Variants in C22orf42 observed in about 807,000 individuals in gnomAD.
C22orf42 encodes uncharacterized protein C22orf42.
C22orf42 carries 24 observed loss-of-function variants against 31.4 expected under a neutral mutation model. That is an observed-to-expected ratio of 0.77 (90% CI 0.55 to 1.08). C22orf42 has a LOEUF of 1.08. Among genes scored for constraint, C22orf42 ranks in the 50% least tolerant of loss-of-function variants. The pLI, the probability that C22orf42 is intolerant of heterozygous loss-of-function variation, is 0.00. For synonymous variants in C22orf42, 96 were observed against 112.7 expected (o/e 0.85, Z 0.94); for missense variants, 276 against 327.3 (o/e 0.84, Z 1.21).
chr22:32,159,187 C>A lies in C22orf42; in HGVS notation c.29G>T (p.Gly10Val), dbSNP rs1453994368. 6.2e-7 allele frequency: 1 copy of A among 1,613,760 alleles called. No homozygotes were observed. Among genetic ancestry groups the A allele is most frequent in the Admixed American group, 1.7e-5 (1 of 59,996 alleles). The stretch of plus-strand genomic sequence containing the variant: ...GTCACAGTTGAGGCCCCCGCTGGGG[C>A]CCAGGCAGCAAGTCAGTTTGCTCCC... MGSKLTCCL[G>V]PSGGLNCDCC... The change falls in exon 1 of 9, where the codon GGC (glycine) becomes GTC (valine). Residue 10 changes from glycine (G) to valine (V), a missense_variant. Coordinates refer to ENST00000382097, the MANE Select transcript of C22orf42 (RefSeq NM_001010859.3).
rs1213616048 is a variant in C22orf42, at chr22:32,149,270, G to GAT, written c.*268_*269dup. 4.4e-6 allele frequency: 1 copy of GAT among 229,298 alleles called. No homozygotes were observed. 14.2% of individuals were successfully genotyped at this position (229,298 alleles called of 1,614,324 possible). A position where few individuals can be genotyped will look rare whatever the true frequency, so the allele number is the denominator to read the frequency against. ...TGGACCCAGCTCTTCAGATGCAGCA[G>GAT]ATGGATTGACCCACTCTGTAATGAC... On this transcript the variant is annotated 3_prime_UTR_variant, in exon 9 of 9. Transcript: ENST00000382097.
rs557701595 is a variant in C22orf42 at position 32,159,299 on chromosome 22, C to A, written c.-84G>T. 24 of 1,544,532 alleles carry A rather than the reference C, an allele frequency of 1.6e-5. 1 individual carries two copies. The South Asian group carries it at 2.3e-4, about 15-fold the overall frequency. On this transcript the variant is annotated 5_prime_UTR_variant, in exon 1 of 9. Transcript: ENST00000382097. ...TCCTCCTCCTTCTACGGCCAGCTAC[C>A]GACTGAAGGCTGCTGGCCCTGGCCG... is the stretch of plus-strand genomic sequence containing the variant.
intron 1 of C22orf42, among the ~76,000 whole-genome samples, chr22:32,157,109 G>A (rs1256577385): frequency 6.6e-6 from 1 of 151,924 alleles, no homozygotes; most frequent in Non-Finnish European, 1.5e-5. Flanking sequence ...CTTTTTCTGT[G>A]ACTTCTCTAT....
At chr22:32,150,510 G>A in intron 6 of C22orf42, 31 bp from the exon 7 acceptor site, 19 of 1,612,184 alleles carry the variant, frequency 1.2e-5, no homozygotes, top group Non-Finnish European at 1.6e-5. Context: ...TCAGTGCATT[G>A]GTGCTGCTGA....
At chr22:32,152,703 C>A in intron 2 of C22orf42, 77 bp from the exon 3 acceptor site, 1 of 1,433,560 alleles carries the variant, frequency 7.0e-7, no homozygotes, top group Non-Finnish European at 9.8e-7. Flanking sequence ...GGATGTGGAC[C>A]GGGGCTGGAG....
upstream of C22orf42, chr22:32,160,325 T>G (rs1921523806): frequency 6.6e-6 from 1 of 151,926 alleles, no homozygotes. Flanking sequence ...GAATAACAGT[T>G]TTTTGATGTG....
rs755676084 is a variant in C22orf42, at chr22:32,158,971, A to G, written c.232+13T>C. On this transcript the variant is annotated intron_variant, in intron 1 of 8. Coordinates refer to ENST00000382097, the MANE Select transcript of C22orf42 (RefSeq NM_001010859.3). Reference sequence around the variant, plus strand: ...AGATGCCAGAGAGCAAATGGCACCCATGGCTTCTTTACCTTTGGACATCTT... The same window carrying G: ...AGATGCCAGAGAGCAAATGGCACCCGTGGCTTCTTTACCTTTGGACATCTT... The G allele has an allele frequency of 5.6e-6, 9 of 1,613,974 alleles. No homozygotes were observed. Among genetic ancestry groups the G allele is most frequent in the Non-Finnish European group, 7.6e-6 (9 of 1,179,988 alleles).
At chr22:32,158,680 T>G (rs1028223074) in intron 1 of C22orf42, among the ~76,000 whole-genome samples, 1 of 152,174 alleles carries the variant, frequency 6.6e-6, no homozygotes, top group African/African-American at 2.4e-5. Context: ...TTCACTTAGG[T>G]ACCAGACCAG....
At chr22:32,151,145 C>T (rs904208730) in intron 5 of C22orf42, 126 bp from the exon 6 acceptor site, 18 of 978,328 alleles carry the variant, frequency 1.8e-5, no homozygotes, top group Non-Finnish European at 2.7e-5. Context: ...AAGTCACTGG[C>T]CCCCAAATAA....
In C22orf42 at chr22:32,150,214, G is replaced by C. The variant is rs537856974; in HGVS notation, c.654+105C>G. ...TCCAGCCAACAAAAAAATTGTATTT[G>C]TCTTCTATAATATACATGGTCAGAT... On this transcript the variant is annotated intron_variant, in intron 7 of 8. Transcript: ENST00000382097. The C allele has an allele frequency of 5.1e-6, 6 of 1,173,924 alleles. No individual in the cohort carries two copies. In the Admixed American group the frequency reaches 8.5e-5, roughly 17 times the overall value. The allele number at this position is 1,173,924 out of a possible 1,614,324, so 72.7% of individuals were successfully genotyped here.
intron 2 of C22orf42, among the ~76,000 whole-genome samples, chr22:32,153,336 G>A (rs897591658): frequency 6.6e-6 from 1 of 152,082 alleles, no homozygotes; most frequent in Non-Finnish European, 1.5e-5. Context: ...CTCTACCTTG[G>A]CTACCCACAA....
chr22:32,151,512 A>G lies in C22orf42; in HGVS notation c.440T>C (p.Val147Ala). 2 of 1,613,854 alleles carry G rather than the reference A, an allele frequency of 1.2e-6. No homozygotes were observed. Among genetic ancestry groups the G allele is most frequent in the Non-Finnish European group, 1.7e-6 (2 of 1,179,722 alleles). ...EDVQVSAHGGVEENITSDIEI... is the reference protein window; with the variant it reads ...EDVQVSAHGGAEENITSDIEI... ...AATATCTGACGTTATATTCTCCTCC[A>G]CACCGCCGTGTGCAGACACCTGCAC... The change falls in exon 5 of 9, where the codon GTG becomes GCG. Residue 147 changes from valine to alanine, a missense_variant. By Grantham distance (64) the Val-to-Ala change is moderately conservative (BLOSUM62 0). Coordinates refer to ENST00000382097, the MANE Select transcript of C22orf42 (RefSeq NM_001010859.3).
rs372472168 is a variant in C22orf42, at chr22:32,159,194, A to T, written c.22T>A (p.Cys8Ser). The change falls in exon 1 of 9, where the codon TGC (cysteine) becomes AGC (serine). Residue 8 changes from cysteine to serine, a missense_variant. Transcript: ENST00000382097. ...TTGAGGCCCCCGCTGGGGCCCAGGC[A>T]GCAAGTCAGTTTGCTCCCCATTGGG... MGSKLTC[C>S]LGPSGGLNCD... is the part of the protein sequence containing the mutation. 6.2e-7 allele frequency: 1 copy of T among 1,613,856 alleles called. No individual in the cohort carries two copies. Among genetic ancestry groups the T allele is most frequent in the African/African-American group, 1.3e-5 (1 of 75,064 alleles).
Position 32,150,231 on chromosome 22 carries a change from TGG to T in C22orf42, c.654+86_654+87del. On this transcript the variant is annotated intron_variant, in intron 7 of 8. Coordinates refer to ENST00000382097, the MANE Select transcript of C22orf42 (RefSeq NM_001010859.3). ...TTGTATTTGTCTTCTATAATATACA[TGG>T]TCAGATTTTTATATCTTCATTTCAT... 9 of 1,318,412 alleles carry T rather than the reference TGG, an allele frequency of 6.8e-6. No individual in the cohort carries two copies. In the South Asian group the frequency reaches 1.0e-4, roughly 15 times the overall value. 81.7% of individuals were successfully genotyped at this position (1,318,412 alleles called of 1,614,324 possible).
intron 1 of C22orf42, among the ~76,000 whole-genome samples, 160 bp downstream of exon 1, chr22:32,158,824 A>G (rs949557275): frequency 3.3e-5 from 5 of 152,132 alleles, no homozygotes; most frequent in African/African-American, 1.2e-4. Flanking sequence ...AAGAGGCAGA[A>G]CCAGCCTTTG....
chr22:32,153,572 ATC>A (rs201869381), intron 2 of C22orf42, among the ~76,000 whole-genome samples: 4,654 of 152,246 alleles, frequency 0.031, 114 homozygotes, highest in African/African-American at 0.11. Flanking sequence ...AATGATTAAT[ATC>A]TTTTCAAAAA....
Position 32,150,420 on chromosome 22 carries a change from C to G in C22orf42, c.553G>C (p.Asp185His). The part of the protein sequence containing the change: ...SVCLEDFMTS[D>H]LSESLSVSLE... ...GAGACAGATAGGCTTTCACTGAGAT[C>G]CGATGTCATGAAGTCTTCAAGACAG... Residue 185 changes from aspartate to histidine, a missense_variant, in exon 7 of 9, where the codon GAT becomes CAT. Transcript: ENST00000382097. The G allele has an allele frequency of 1.2e-6, 2 of 1,614,080 alleles. No homozygotes were observed. Among genetic ancestry groups the G allele is most frequent in the African/African-American group, 1.3e-5 (1 of 75,032 alleles).
chr22:32,158,153 G>C (rs2981852), intron 1 of C22orf42, among the ~76,000 whole-genome samples: 13,097 of 151,832 alleles, frequency 0.086, 546 homozygotes, highest in African/African-American at 0.15. Context: ...ACAAGTGTTA[G>C]TTTTTGTCTT....
chr22:32,150,461 C>T lies in C22orf42; in HGVS notation c.512G>A (p.Ser171Asn), dbSNP rs1467680160. The T allele has an allele frequency of 1.9e-6, 3 of 1,614,162 alleles. No homozygotes were observed. Among genetic ancestry groups the T allele is most frequent in the Non-Finnish European group, 2.5e-6 (3 of 1,180,044 alleles). ...TTCAAGACAGACAGATAGGCTTTCA[C>T]TGAGATCTTCGACCAAATCTAGGAG... The part of the protein sequence containing the change: ...KHDHHLVEDL[S>N]ESLSVCLEDF... The change falls in exon 7 of 9, where the codon AGT (serine) becomes AAT (asparagine). Residue 171 changes from serine to asparagine, a missense_variant. Physicochemically the swap from Ser to Asn is conservative, Grantham distance 46. Transcript: ENST00000382097.
Sources: allele counts gnomAD v4.1 joint callset (sites outside exome capture counted in the v4.1 genomes callset), GRCh38; gene constraint gnomAD v4.1.1; transcripts MANE v1.5; gene names NCBI Gene and HGNC (gene_info 2026-07-23, HGNC 2026-07-21).